DMD: variants seen among roughly 807,000 people sequenced by gnomAD.
The protein encoded by DMD is mutant dystrophin.
In DMD, 63 loss-of-function variants were observed where a neutral mutation model predicts 330.1. The ratio of observed to expected loss-of-function variants is 0.19; its 90% CI spans 0.16 to 0.24. DMD has a LOEUF of 0.24. DMD is among the 10% of genes least tolerant of loss of function. The pLI, the probability that DMD is intolerant of heterozygous loss-of-function variation, is 1.00. For synonymous variants in DMD, 1,223 were observed against 959.8 expected (o/e 1.27, Z -5.07); for missense variants, 3,344 against 2,684.1 (o/e 1.25, Z -5.43).
chrX:33,123,413 C>T (rs2095436981), intron 1 of DMD, among the ~76,000 whole-genome samples: 1 of 108,217 alleles, frequency 9.2e-6, no homozygotes, highest in East Asian at 2.8e-4. Flanking sequence ...AGTTTTTGTT[C>T]TACTTTCTTT....
At chrX:31,968,272 A>T in intron 45 of DMD, 67 bp downstream of exon 45, 1 of 1,142,797 alleles carries the variant, frequency 8.8e-7, no homozygotes, top group Non-Finnish European at 1.2e-6. Flanking sequence ...CTCATGAAAT[A>T]TTCTTCTAAA....
At chrX:32,524,026 A>G (rs960164307) in intron 17 of DMD, among the ~76,000 whole-genome samples, 62 of 100,521 alleles carry the variant, frequency 6.2e-4, no homozygotes, top group South Asian at 4.6e-4. Context: ...TCCGCCTCCC[A>G]GGTTCACGCC....
At chrX:32,682,522 C>A (rs2062506397) in intron 9 of DMD, among the ~76,000 whole-genome samples, 1 of 111,102 alleles carries the variant, frequency 9.0e-6, no homozygotes, top group African/African-American at 3.3e-5. Context: ...ACATATTTGA[C>A]CCCATGAATT....
chrX:32,998,849 T>C (rs73188375), intron 2 of DMD, among the ~76,000 whole-genome samples: 2,085 of 111,892 alleles, frequency 0.019, 29 homozygotes, highest in South Asian at 0.15. Flanking sequence ...TATTCTAACA[T>C]TCATATTTCT....
intron 1 of DMD, among the ~76,000 whole-genome samples, chrX:33,163,552 G>GTGTATATATATATATA (rs1247410085): frequency 2.2e-5 from 2 of 91,028 alleles, no homozygotes; most frequent in African/African-American, 8.3e-5. Flanking sequence ...ATATATGTGT[G>GTGTATATATATATATA]TATATATATA....
At chrX:31,691,430 A>G (rs1023967286) in intron 52 of DMD, among the ~76,000 whole-genome samples, 2 of 111,657 alleles carry the variant, frequency 1.8e-5, no homozygotes, top group African/African-American at 6.5e-5. Flanking sequence ...GTCCTTACCC[A>G]TCCATCATTA....
chrX:31,445,992 T>C (rs1056312874), intron 59 of DMD, among the ~76,000 whole-genome samples: 2 of 112,010 alleles, frequency 1.8e-5, no homozygotes, highest in Non-Finnish European at 3.8e-5. Context: ...ACTTGCTTGA[T>C]CTGGGCAGGT....
intron 9 of DMD, among the ~76,000 whole-genome samples, chrX:32,684,012 CATACAT>C (rs2062650415): frequency 1.1e-4 from 9 of 78,512 alleles, no homozygotes; most frequent in African/African-American, 6.7e-4. Flanking sequence ...CACACACACA[CATACAT>C]ACACACACAC....
chrX:32,673,890 T>A (rs987003986), intron 9 of DMD, among the ~76,000 whole-genome samples: 1 of 111,742 alleles, frequency 8.9e-6, no homozygotes, highest in Non-Finnish European at 1.9e-5. Context: ...ATGGAATTGA[T>A]AAGAACAAAT....
At chrX:31,174,170 A>G (rs188933378) in intron 71 of DMD, among the ~76,000 whole-genome samples, 1 of 111,700 alleles carries the variant, frequency 9.0e-6, no homozygotes, top group East Asian at 2.8e-4. Context: ...CAGCAAGACT[A>G]TACCACTAAT....
At chrX:31,389,494 A>G (rs1001231685) in intron 60 of DMD, among the ~76,000 whole-genome samples, 1 of 112,182 alleles carries the variant, frequency 8.9e-6, no homozygotes, top group Non-Finnish European at 1.9e-5. Flanking sequence ...GAGATGAACA[A>G]TATTTACCAT....
At chrX:32,741,094 G>A (rs2148179527) in intron 7 of DMD, among the ~76,000 whole-genome samples, 1 of 111,541 alleles carries the variant, frequency 9.0e-6, no homozygotes, top group African/African-American at 3.3e-5. Flanking sequence ...CCGAGAAGGA[G>A]GCTGGTGATT....
At chrX:32,587,825 A>T (rs1219574747) in intron 13 of DMD, among the ~76,000 whole-genome samples, 4 of 111,895 alleles carry the variant, frequency 3.6e-5, no homozygotes. Flanking sequence ...TAATATTATT[A>T]TTGCTTACTA....
rs386416845 is a variant in DMD, at chrX:31,121,442, A to ATG, written c.*475_*476dup. 3.6e-3 allele frequency: 461 copies of ATG among 127,783 alleles called. 2 individuals are homozygous for ATG. The highest frequency in any genetic ancestry group is 9.6e-3 in the Middle Eastern group (3 of 312). The allele number at this position is 127,783 out of a possible 1,213,427, so 10.5% of individuals were successfully genotyped here. ...CTCAAAGTTTTGTGTGTGTGTGTGT[A>ATG]TGTGTGTGTGTGTGTGTTTGTTTTG... is the stretch of plus-strand genomic sequence containing the variant. On this transcript the variant is annotated 3_prime_UTR_variant, in exon 79 of 79. Transcript: ENST00000357033.
rs200535651 is a variant in DMD, at chrX:32,809,445, T to A, written c.649+48A>T. On this transcript the variant is annotated intron_variant, in intron 7 of 78. Transcript: ENST00000357033. ...AAATGACAAGTCTCAGATGAAAACA[T>A]TAAACTCTACCATACTAAAAGCAGT... 737 of 1,054,689 alleles carry A rather than the reference T, an allele frequency of 7.0e-4. No individual in the cohort carries two copies. The highest frequency in any genetic ancestry group is 9.5e-4 in the Non-Finnish European group (717 of 754,602). The allele number at this position is 1,054,689 out of a possible 1,213,427, so 86.9% of individuals were successfully genotyped here.
At chrX:32,725,256 G>A (rs1047449989) in intron 7 of DMD, among the ~76,000 whole-genome samples, 1 of 110,843 alleles carries the variant, frequency 9.0e-6, no homozygotes, top group African/African-American at 3.3e-5. Context: ...GGATCCCACT[G>A]CTGAGCATTC....
intron 44 of DMD, among the ~76,000 whole-genome samples, chrX:32,141,724 C>CAT (rs564694131): frequency 0.025 from 2,594 of 103,345 alleles, 83 homozygotes; most frequent in African/African-American, 0.066. Flanking sequence ...CACACACACA[C>CAT]GATCTTGCAT....
intron 19 of DMD, among the ~76,000 whole-genome samples, chrX:32,500,281 C>T (rs1404741274): frequency 9.0e-6 from 1 of 111,580 alleles, no homozygotes; most frequent in Non-Finnish European, 1.9e-5. Flanking sequence ...TTAATATTTA[C>T]TAAGCACCTA....
intron 7 of DMD, among the ~76,000 whole-genome samples, chrX:32,734,143 C>T (rs1349618967): frequency 9.2e-6 from 1 of 108,739 alleles, no homozygotes; most frequent in African/African-American, 3.4e-5. Context: ...CACCTCTACG[C>T]AAATAAACTA....
Sources: allele counts gnomAD v4.1 joint callset (sites outside exome capture counted in the v4.1 genomes callset), GRCh38; gene constraint gnomAD v4.1.1; transcripts MANE v1.5; gene names NCBI Gene and HGNC (gene_info 2026-07-23, HGNC 2026-07-21).